The following CES5A variants were observed in gnomAD, a reference collection of about 807,000 sequenced individuals.
CES5A encodes carboxylesterase 5.
Under a neutral mutation model 62.9 loss-of-function variants are expected in CES5A, and 67 were observed. The ratio of observed to expected loss-of-function variants is 1.07; its 90% CI spans 0.88 to 1.31. The LOEUF is 1.31. CES5A is among the 50% of genes most tolerant of loss of function. The pLI is 0.00. For missense variants in CES5A, 748 were observed against 708.5 expected, an observed-to-expected ratio of 1.06 and a Z score of -0.63; for synonymous variants, 296 against 280.8, an observed-to-expected ratio of 1.05 and a Z score of -0.54.
intron 10 of CES5A, among the ~76,000 whole-genome samples, chr16:55,851,969 G>A (rs763637137): frequency 6.6e-6 from 1 of 152,168 alleles, no homozygotes; most frequent in Non-Finnish European, 1.5e-5. Flanking sequence ...AACTTACATT[G>A]AGTAACTAAA....
At chr16:55,901,785 T>G (rs1163310566) in intron 1 of CES5A, among the ~76,000 whole-genome samples, 1 of 152,154 alleles carries the variant, frequency 6.6e-6, no homozygotes, top group South Asian at 2.1e-4. Flanking sequence ...ACCCAAGGGC[T>G]CTTGCAAATG....
chr16:55,954,735 C>CA (rs1443724736), intron 1 of CES5A, among the ~76,000 whole-genome samples: 6 of 152,102 alleles, frequency 3.9e-5, no homozygotes, highest in African/African-American at 1.4e-4. Context: ...AGGCCCCTCA[C>CA]AAAAATGGAC....
upstream of CES5A, among the ~76,000 whole-genome samples, chr16:55,928,008 C>G (rs528638327): frequency 6.6e-6 from 1 of 152,296 alleles, no homozygotes; most frequent in South Asian, 2.1e-4. Flanking sequence ...CTTTGGGAGG[C>G]CGAGGCGGAT....
At chr16:55,879,921 G>A (rs1258215519), upstream of CES5A, among the ~76,000 whole-genome samples, 1 of 152,186 alleles carries the variant, frequency 6.6e-6, no homozygotes, top group Non-Finnish European at 1.5e-5. Flanking sequence ...TTTACCCAAT[G>A]AAATCCTAAA....
At chr16:55,936,211 A>G (rs528047512) in intron 2 of CES5A, among the ~76,000 whole-genome samples, 1 of 152,316 alleles carries the variant, frequency 6.6e-6, no homozygotes, top group East Asian at 1.9e-4. Flanking sequence ...CTAACTTCCC[A>G]TGATACTTGG....
rs2034199349 is a variant in CES5A, at chr16:55,921,077, G to GA, written c.-256+4245dup. Among the ~76,000 whole-genome samples, 4 of 151,642 alleles carry GA rather than the reference G, an allele frequency of 2.6e-5. No homozygotes were observed. The South Asian group carries it at 8.3e-4, about 32-fold the overall frequency. ...CTTTTGAAAATACACACTCAGAGAA[G>GA]AAAAAAAGAATGAAAAGCAATGAAG... On this transcript the variant is annotated intron_variant, in intron 1 of 12. Coordinates refer to the CES5A transcript ENST00000518005.
chr16:55,903,040 A>C (rs2034006837), intron 1 of CES5A, among the ~76,000 whole-genome samples: 1 of 152,212 alleles, frequency 6.6e-6, no homozygotes, highest in South Asian at 2.1e-4. Context: ...GGGAATGGCC[A>C]TTTCACCTCT....
At chr16:55,873,336 G>A (rs1030931202) in intron 2 of CES5A, among the ~76,000 whole-genome samples, 3 of 152,090 alleles carry the variant, frequency 2.0e-5, no homozygotes, top group African/African-American at 7.2e-5. Context: ...CCATGGACTA[G>A]GTATTGCATC....
Position 55,869,612 on chromosome 16 carries a change from TGAA to T in CES5A, c.547_549del (p.Phe183del). On this transcript the variant is annotated inframe_deletion and splice_region_variant, in exon 4 of 13. Transcript: ENST00000290567. Reference sequence around the variant, plus strand: ...TGTCCATCATTTGGAGAGACTCACGTGAAGAAACCAAATATTCCTAGCCGGTAC... The same window carrying T: ...TGTCCATCATTTGGAGAGACTCACGTGAAACCAAATATTCCTAGCCGGTAC... The T allele has an allele frequency of 3.7e-6, 6 of 1,613,758 alleles. No homozygotes were observed. The highest frequency in any genetic ancestry group is 5.1e-6 in the Non-Finnish European group (6 of 1,179,854).
At chr16:55,940,259 C>T (rs2034432479) in intron 2 of CES5A, among the ~76,000 whole-genome samples, 1 of 151,450 alleles carries the variant, frequency 6.6e-6, no homozygotes, top group East Asian at 1.9e-4. Context: ...GGTGTTTTTT[C>T]AATAATTGGA....
At chr16:55,941,340 C>A (rs2034443822) in intron 2 of CES5A, among the ~76,000 whole-genome samples, 1 of 152,014 alleles carries the variant, frequency 6.6e-6, no homozygotes, top group East Asian at 1.9e-4. Context: ...TATATATTAG[C>A]AATGTATAAT....
chr16:55,852,773 A>G, intron 10 of CES5A, 108 bp downstream of exon 10: 1 of 1,279,394 alleles, frequency 7.8e-7, no homozygotes, highest in Non-Finnish European at 1.1e-6. Flanking sequence ...TGCACTTTCC[A>G]TGATAGAACA....
intron 1 of CES5A, among the ~76,000 whole-genome samples, chr16:55,881,125 C>T (rs2142424459): frequency 6.6e-6 from 1 of 152,298 alleles, no homozygotes; most frequent in South Asian, 2.1e-4. Context: ...AAGGAAGCCT[C>T]TCCTTACTAG....
intron 4 of CES5A, among the ~76,000 whole-genome samples, chr16:55,866,762 C>T (rs1357004515): frequency 2.6e-5 from 4 of 151,524 alleles, no homozygotes; most frequent in Admixed American, 6.6e-5. Flanking sequence ...GGCTTGACCC[C>T]GGGAGGCGGA....
At chr16:55,929,871 T>G (rs1248681700), upstream of CES5A, among the ~76,000 whole-genome samples, 2 of 152,178 alleles carry the variant, frequency 1.3e-5, no homozygotes, top group Non-Finnish European at 2.9e-5. Flanking sequence ...AAGTACTGAT[T>G]TTTGGCCCCC....
At chr16:55,913,402 G>A (rs2034114802) in intron 1 of CES5A, among the ~76,000 whole-genome samples, 2 of 152,132 alleles carry the variant, frequency 1.3e-5, no homozygotes, top group Admixed American at 1.3e-4. Flanking sequence ...GCAATTTGGG[G>A]AGGTTCAGGC....
chr16:55,866,687 A>AAAAAAAAAAAC (rs2033471578), intron 4 of CES5A, among the ~76,000 whole-genome samples: 1 of 149,102 alleles, frequency 6.7e-6, no homozygotes, highest in Non-Finnish European at 1.5e-5. Flanking sequence ...AATACAAAAA[A>AAAAAAAAAAAC]ATTAGCTGGA....
chr16:55,892,134 C>T (rs1044376504), intron 1 of CES5A, among the ~76,000 whole-genome samples: 11 of 152,168 alleles, frequency 7.2e-5, no homozygotes, highest in Non-Finnish European at 1.5e-5. Context: ...AACTTGGTCT[C>T]CACAATCTTT....
chr16:55,948,330 C>T (rs551837834), intron 2 of CES5A, among the ~76,000 whole-genome samples: 1 of 152,290 alleles, frequency 6.6e-6, no homozygotes, highest in East Asian at 1.9e-4. Flanking sequence ...CCACATGTTT[C>T]ATGTGAAAAG....
Sources: gnomAD v4.1 joint callset for allele counts (sites outside exome capture counted in the v4.1 genomes callset) on GRCh38, gnomAD v4.1.1 for gene constraint, MANE v1.5 for transcripts, NCBI Gene and HGNC (gene_info 2026-07-23, HGNC 2026-07-21) for gene names.